The following RPTOR variants were observed in gnomAD, a reference collection of about 807,000 sequenced individuals.
The protein encoded by RPTOR is regulatory-associated protein of mTOR.
In RPTOR, 21 loss-of-function variants were observed where a neutral mutation model predicts 169.9. The observed-to-expected ratio is 0.12, with a 90% confidence interval of 0.09 to 0.18. The LOEUF (loss-of-function observed/expected upper bound fraction) is 0.18, where lower values mean the gene tolerates loss of function less well. RPTOR is among the 10% of genes least tolerant of loss of function. The pLI is 1.00. For missense variants in RPTOR, 1,133 were observed against 1,855.9 expected (o/e 0.61, Z 7.16); for synonymous variants, 732 against 753.2 (o/e 0.97, Z 0.46).
At chr17:80,870,653 G>T (rs1437002616) in intron 13 of RPTOR, among the ~76,000 whole-genome samples, 1 of 152,272 alleles carries the variant, frequency 6.6e-6, no homozygotes, top group Non-Finnish European at 1.5e-5. Context: ...ACAGCAGAAG[G>T]CAGTGCCCTG....
chr17:80,730,764 T>TGGGGG lies in RPTOR; in HGVS notation c.654+62_654+63insGGGGG. 2.2e-6 allele frequency: 1 copy of TGGGGG among 453,316 alleles called. No individual in the cohort carries two copies. Among genetic ancestry groups the TGGGGG allele is most frequent in the East Asian group, 6.0e-5 (1 of 16,732 alleles). 28.1% of individuals were successfully genotyped at this position (453,316 alleles called of 1,614,324 possible). A position where few individuals can be genotyped will look rare whatever the true frequency, so the allele number is the denominator to read the frequency against. ...GGTTTGGTTTTGTTTTCCCTGGGGGTGGGGTTTGGGTGGGGAGGTTGGGAG... is the reference window on the plus strand; with the variant it reads ...GGTTTGGTTTTGTTTTCCCTGGGGGTGGGGGGGGGTTTGGGTGGGGAGGTTGGGAG... On this transcript the variant is annotated intron_variant, in intron 5 of 33. Coordinates refer to ENST00000306801, the MANE Select transcript of RPTOR (RefSeq NM_020761.3). This position sits in a 1 kb window ranked among gnomAD's most constrained non-coding sequence, Gnocchi z 4.2.
intron 11 of RPTOR, among the ~76,000 whole-genome samples, chr17:80,850,502 T>C (rs906198510): frequency 1.3e-5 from 2 of 152,230 alleles, no homozygotes; most frequent in Non-Finnish European, 2.9e-5. Context: ...CTCCGCCTCC[T>C]GGGTTAAAGT....
chr17:80,580,621 G>GT (rs2065005984), intron 1 of RPTOR, among the ~76,000 whole-genome samples: 1 of 152,026 alleles, frequency 6.6e-6, no homozygotes, highest in Non-Finnish European at 1.5e-5. Context: ...CCCGTGTGGG[G>GT]TTTTTTGTGT....
chr17:80,928,262 T>G (rs977000273), intron 24 of RPTOR, among the ~76,000 whole-genome samples: 3 of 152,194 alleles, frequency 2.0e-5, no homozygotes, highest in African/African-American at 4.8e-5. Flanking sequence ...AAAATTGTTT[T>G]CCTACTTTTT....
intron 5 of RPTOR, among the ~76,000 whole-genome samples, chr17:80,743,738 TACTAGCAGAGCCC>T (rs2066511808): frequency 6.4e-5 from 9 of 139,948 alleles, no homozygotes; most frequent in Admixed American, 2.8e-4. Context: ...CAGCCCTGGC[TACTAGCAGAGCCC>T]TGGCTACTAG....
chr17:80,743,220 A>G lies in RPTOR; in HGVS notation c.655-10790A>G, dbSNP rs748811794. 4 of 984,818 alleles carry G rather than the reference A, an allele frequency of 4.1e-6. No homozygotes were observed. The African/African-American group carries it at 7.0e-5, about 17-fold the overall frequency. 61.0% of individuals were successfully genotyped at this position (984,818 alleles called of 1,614,324 possible). A position where few individuals can be genotyped will look rare whatever the true frequency, so the allele number is the denominator to read the frequency against. On this transcript the variant is annotated intron_variant, in intron 5 of 33. Coordinates refer to ENST00000306801, the MANE Select transcript of RPTOR (RefSeq NM_020761.3). ...GAAATTAGCCAAGGCTCTCTCTCTTATGACTCAGTTCATTAGAGAAGTAAG... is the reference window on the plus strand; with the variant it reads ...GAAATTAGCCAAGGCTCTCTCTCTTGTGACTCAGTTCATTAGAGAAGTAAG...
intron 14 of RPTOR, among the ~76,000 whole-genome samples, chr17:80,882,225 A>G (rs1461909647): frequency 2.0e-5 from 3 of 152,168 alleles, no homozygotes; most frequent in South Asian, 2.1e-4. Flanking sequence ...TGAGAGGAGA[A>G]TAAGTAGAGA....
chr17:80,837,214 C>T (rs2067573784), intron 9 of RPTOR, among the ~76,000 whole-genome samples: 1 of 152,128 alleles, frequency 6.6e-6, no homozygotes, highest in South Asian at 2.1e-4. Flanking sequence ...CCGGGGTCAT[C>T]TGTGGAGCCA....
rs1055609411 is a variant in RPTOR at position 80,774,317 on chromosome 17, G to A, written c.831-17133G>A. ...GGAGAGTGCTTTGGAAGTGGAAGCC[G>A]CAATGTCATGTAAGCTGTTGAGTAT... is the stretch of plus-strand genomic sequence containing the variant. On this transcript the variant is annotated intron_variant, in intron 6 of 33. Transcript: ENST00000306801. The A allele has an allele frequency of 1.9e-5, 19 of 985,276 alleles. No homozygotes were observed. In the East Asian group the frequency reaches 3.4e-4, roughly 18 times the overall value. 61.0% of individuals were successfully genotyped at this position (985,276 alleles called of 1,614,324 possible). A position where few individuals can be genotyped will look rare whatever the true frequency, so the allele number is the denominator to read the frequency against.
rs146549130 is a variant in RPTOR at position 80,880,465 on chromosome 17, G to C, written c.1560G>C (p.Ser520=). Residue 520 remains serine, a synonymous_variant, in exon 14 of 34, where the codon TCG becomes TCC. Coordinates refer to ENST00000306801, the MANE Select transcript of RPTOR (RefSeq NM_020761.3). ...VKDNGHKYFL[S]VLADPYMPAE... The stretch of plus-strand genomic sequence containing the variant: ...ACAACGGCCACAAGTACTTCCTGTC[G>C]GTCCTGGCGGACCCCTACATGCCAG... The C allele has an allele frequency of 6.2e-7, 1 of 1,613,640 alleles. No homozygotes were observed. Among genetic ancestry groups the C allele is most frequent in the Non-Finnish European group, 8.5e-7 (1 of 1,180,002 alleles).
Position 80,820,699 on chromosome 17 carries a change from G to A in RPTOR, c.891-1502G>A, listed in dbSNP as rs563624650. 7.9e-5 allele frequency among the ~76,000 whole-genome samples: 12 copies of A among 152,302 alleles called. No homozygotes were observed. The highest frequency in any genetic ancestry group is 3.9e-4 in the East Asian group (2 of 5,178). ...ACAGTGGACATGCTTGTTCTGAAGC[G>A]AGAGCAGACTGGGGAGAAGGAGGAG... On this transcript the variant is annotated intron_variant, in intron 7 of 33. Coordinates refer to ENST00000306801, the MANE Select transcript of RPTOR (RefSeq NM_020761.3). This position sits in a 1 kb window ranked among gnomAD's most constrained non-coding sequence, Gnocchi z 4.1.
At chr17:80,902,700 G>A (rs896054145) in intron 20 of RPTOR, among the ~76,000 whole-genome samples, 20 of 152,186 alleles carry the variant, frequency 1.3e-4, no homozygotes, top group African/African-American at 4.1e-4. Flanking sequence ...CACATGTCCC[G>A]GGACCCAGCC....
chr17:80,647,792 G>T (rs559978625), intron 3 of RPTOR, among the ~76,000 whole-genome samples: 1 of 152,234 alleles, frequency 6.6e-6, no homozygotes, highest in East Asian at 1.9e-4. Flanking sequence ...CCAGGTCTGC[G>T]AGTAGTGAAG....
chr17:80,762,823 T>A (rs1321962563), intron 6 of RPTOR, among the ~76,000 whole-genome samples: 4 of 151,890 alleles, frequency 2.6e-5, no homozygotes, highest in Non-Finnish European at 5.9e-5. Flanking sequence ...AGTTTAAATA[T>A]CTAGGAAATA....
intron 13 of RPTOR, among the ~76,000 whole-genome samples, chr17:80,872,352 A>G (rs914149665): frequency 5.3e-5 from 8 of 152,166 alleles, no homozygotes; most frequent in African/African-American, 1.9e-4. Flanking sequence ...TACTCCGGGC[A>G]GATTCCAACA....
In RPTOR at chr17:80,904,697, C is replaced by T. The variant is rs536736471; in HGVS notation, c.2402-4114C>T. Among the ~76,000 whole-genome samples the T allele has an allele frequency of 9.2e-5, 14 of 152,292 alleles. 1 individual carries two copies. The South Asian group carries it at 2.9e-3, about 32-fold the overall frequency. On this transcript the variant is annotated intron_variant, in intron 20 of 33. Transcript: ENST00000306801. Reference sequence around the variant, plus strand: ...GGACCCAGGCAGCCCCACCTCCTTCCTGGTGGACTCGAATCCGATGGGAAG... The same window carrying T: ...GGACCCAGGCAGCCCCACCTCCTTCTTGGTGGACTCGAATCCGATGGGAAG...
chr17:80,571,562 C>T (rs1454424854), intron 1 of RPTOR, among the ~76,000 whole-genome samples: 1 of 152,052 alleles, frequency 6.6e-6, no homozygotes, highest in African/African-American at 2.4e-5. Context: ...ATTCTGTCTC[C>T]CAGACTGGAG....
intron 20 of RPTOR, among the ~76,000 whole-genome samples, chr17:80,896,357 C>A (rs2068399171): frequency 6.6e-6 from 1 of 151,618 alleles, no homozygotes; most frequent in African/African-American, 2.4e-5. Flanking sequence ...CGACACCCCA[C>A]ACAGCCGCCC....
chr17:80,914,449 C>T (rs1219598850), intron 21 of RPTOR, among the ~76,000 whole-genome samples: 1 of 152,210 alleles, frequency 6.6e-6, no homozygotes, highest in Non-Finnish European at 1.5e-5. Flanking sequence ...GGCAGGAGCT[C>T]CACCCTCCCA....
Sources: gnomAD v4.1 joint callset for allele counts (sites outside exome capture counted in the v4.1 genomes callset) on GRCh38, gnomAD v4.1.1 for gene constraint, Gnocchi (gnomAD v3.1) non-coding constraint, MANE v1.5 for transcripts, NCBI Gene and HGNC (gene_info 2026-07-23, HGNC 2026-07-21) for gene names.